The following SIPA1L3 variants were observed in gnomAD, a reference collection of about 807,000 sequenced individuals.
SIPA1L3 encodes the protein signal-induced proliferation-associated 1-like protein 3.
SIPA1L3 carries 59 observed loss-of-function variants against 150.1 expected under a neutral mutation model. The ratio of observed to expected loss-of-function variants is 0.39; its 90% CI spans 0.32 to 0.49. The LOEUF is 0.49. Among genes scored for constraint, SIPA1L3 ranks in the 20% least tolerant of loss-of-function variants. The pLI, the probability that SIPA1L3 is intolerant of heterozygous loss-of-function variation, is 0.86. For missense variants in SIPA1L3, 2,211 were observed against 2,489.5 expected (o/e 0.89, Z 2.38); for synonymous variants, 1,070 against 1,077.6 (o/e 0.99, Z 0.14).
At chr19:37,926,261 G>T (rs2046502663) in intron 1 of SIPA1L3, among the ~76,000 whole-genome samples, 1 of 152,182 alleles carries the variant, frequency 6.6e-6, no homozygotes, top group Non-Finnish European at 1.5e-5. Context: ...AACAGTGCCT[G>T]TAACACCAGG....
At position 37,929,570 on chromosome 19, in the gene SIPA1L3, G is replaced by C. The variant is rs377137245; in HGVS notation, c.-379+22212G>C. On this transcript the variant is annotated intron_variant, in intron 1 of 21. Coordinates refer to ENST00000222345, the MANE Select transcript of SIPA1L3 (RefSeq NM_015073.3). Reference sequence around the variant, plus strand: ...GAAACTTGAGTTGGGTGATGAGGCAGCAGTCTGAAGGTTAGAGTGCGAGGT... The same window carrying C: ...GAAACTTGAGTTGGGTGATGAGGCACCAGTCTGAAGGTTAGAGTGCGAGGT... Among the ~76,000 whole-genome samples, 178 of 152,282 alleles carry C rather than the reference G, an allele frequency of 1.2e-3. 1 individual carries two copies. In the South Asian group the frequency reaches 0.018, roughly 15 times the overall value.
chr19:38,138,910 A>AAAAAAAAAAAACAAAAAC lies in SIPA1L3; in HGVS notation c.3144-2269_3144-2268insAAAAAACAAAAACAAAAA, dbSNP rs1343348254. ...GAGACTCTATCTCAAAAAAAAAAAA[A>AAAAAAAAAAAACAAAAAC]AAAAACTGAGTGTGGTGGCTCACGC... On this transcript the variant is annotated intron_variant, in intron 10 of 21. Transcript: ENST00000222345. Among the ~76,000 whole-genome samples the AAAAAAAAAAAACAAAAAC allele has an allele frequency of 1.7e-3, 196 of 112,820 alleles. 20 individuals carry two copies. The highest frequency in any genetic ancestry group is 6.0e-3 in the African/African-American group (158 of 26,220). 74.0% of individuals were successfully genotyped at this position (112,820 alleles called of 152,430 possible).
chr19:37,949,396 T>A (rs998585236), intron 1 of SIPA1L3, among the ~76,000 whole-genome samples: 10 of 152,300 alleles, frequency 6.6e-5, no homozygotes, highest in Admixed American at 2.6e-4. Flanking sequence ...CCAGGCACAG[T>A]GACTCACACC....
At chr19:38,092,270 G>A (rs1294617651) in intron 4 of SIPA1L3, among the ~76,000 whole-genome samples, 2 of 151,776 alleles carry the variant, frequency 1.3e-5, no homozygotes, top group Admixed American at 6.6e-5. Context: ...TAATGTAAAT[G>A]ACAAGTTAAT....
At chr19:37,958,955 A>G (rs2046834224) in intron 1 of SIPA1L3, among the ~76,000 whole-genome samples, 1 of 152,258 alleles carries the variant, frequency 6.6e-6, no homozygotes, top group South Asian at 2.1e-4. Flanking sequence ...TCATTAGGGT[A>G]ATGCTAATCA....
intron 14 of SIPA1L3, among the ~76,000 whole-genome samples, chr19:38,163,079 C>T (rs1345502427): frequency 6.6e-6 from 1 of 152,134 alleles, no homozygotes; most frequent in African/African-American, 2.4e-5. Context: ...CAAGCGCTTA[C>T]AACACTCCAG....
At chr19:38,075,813 C>T (rs1969825440) in intron 2 of SIPA1L3, among the ~76,000 whole-genome samples, 1 of 150,864 alleles carries the variant, frequency 6.6e-6, no homozygotes, top group African/African-American at 2.4e-5. Flanking sequence ...AAAGATCTTG[C>T]AGGTGAACCA....
At chr19:38,039,719 T>C (rs1055838317) in intron 2 of SIPA1L3, among the ~76,000 whole-genome samples, 6 of 78,358 alleles carry the variant, frequency 7.7e-5, no homozygotes, top group African/African-American at 2.5e-4. Context: ...AAAAAAAAGT[T>C]TGGAGGCCCA....
At chr19:38,072,083 A>C (rs1243884728) in intron 2 of SIPA1L3, among the ~76,000 whole-genome samples, 3 of 152,244 alleles carry the variant, frequency 2.0e-5, no homozygotes, top group East Asian at 3.8e-4. Context: ...CTGTGATTGC[A>C]AGGAAGGCTG....
chr19:37,931,704 C>G (rs912227408), intron 1 of SIPA1L3, among the ~76,000 whole-genome samples: 1 of 152,124 alleles, frequency 6.6e-6, no homozygotes, highest in Non-Finnish European at 1.5e-5. Context: ...GAGCTGAGAT[C>G]GCATCACTGC....
intron 13 of SIPA1L3, among the ~76,000 whole-genome samples, chr19:38,154,673 C>G (rs1971902950): frequency 6.6e-6 from 1 of 151,992 alleles, no homozygotes; most frequent in Admixed American, 6.6e-5. Flanking sequence ...GTCTCGAACT[C>G]CTGACCTTGT....
intron 15 of SIPA1L3, among the ~76,000 whole-genome samples, chr19:38,174,328 G>T (rs554931213): frequency 6.6e-5 from 10 of 152,288 alleles, no homozygotes; most frequent in African/African-American, 2.2e-4. Context: ...GGGATGAATT[G>T]GTTCTCCAGC....
intron 12 of SIPA1L3, among the ~76,000 whole-genome samples, chr19:38,144,950 G>A (rs1352570204): frequency 6.6e-6 from 1 of 152,090 alleles, no homozygotes; most frequent in East Asian, 1.9e-4. Context: ...CAGAGTAAAG[G>A]CCACAGATAT....
chr19:37,964,158 C>G (rs1457281810), intron 1 of SIPA1L3: 1 of 152,116 alleles, frequency 6.6e-6, no homozygotes, highest in Admixed American at 6.5e-5. Context: ...TAGTTCATAC[C>G]TGTAATCTCA....
Position 38,164,575 on chromosome 19 carries a change from C to T in SIPA1L3, c.3877C>T (p.Pro1293Ser). The T allele has an allele frequency of 6.2e-7, 1 of 1,614,126 alleles. No individual in the cohort carries two copies. Among genetic ancestry groups the T allele is most frequent in the East Asian group, 2.2e-5 (1 of 44,882 alleles). The change falls in exon 15 of 22, where the codon CCC (proline) becomes TCC (serine). Residue 1293 changes from proline to serine, a missense_variant. Around this residue, in one of 5 missense-constraint regions of SIPA1L3, gnomAD observed 806 missense variants for 870.1 expected, o/e 0.93. Transcript: ENST00000222345. This position sits in a 1 kb window ranked among gnomAD's most constrained non-coding sequence, Gnocchi z 4.1. ...CGACCGCTGGTTCGACCCCCTGGACCCCCTGGAGCCAGAGCAAGACCCCCT... is the reference window on the plus strand; with the variant it reads ...CGACCGCTGGTTCGACCCCCTGGACTCCCTGGAGCCAGAGCAAGACCCCCT... ...SDDRWFDPLD[P>S]LEPEQDPLSK...
intron 1 of SIPA1L3, among the ~76,000 whole-genome samples, chr19:37,934,015 A>G (rs1435623000): frequency 6.6e-6 from 1 of 152,188 alleles, no homozygotes; most frequent in Non-Finnish European, 1.5e-5. Context: ...CAGTTGAGCC[A>G]TCTCCCCTGC....
At chr19:37,912,486 A>G (rs1379047260) in intron 1 of SIPA1L3, among the ~76,000 whole-genome samples, 1 of 152,134 alleles carries the variant, frequency 6.6e-6, no homozygotes, top group Non-Finnish European at 1.5e-5. Context: ...TCAAGCCTTC[A>G]GGGCAGGGCC....
intron 1 of SIPA1L3, among the ~76,000 whole-genome samples, chr19:37,996,423 A>T (rs955772001): frequency 6.6e-6 from 1 of 152,112 alleles, no homozygotes; most frequent in Non-Finnish European, 1.5e-5. Flanking sequence ...ACATATATTT[A>T]TGGTATACAA....
chr19:38,084,147 A>G lies in SIPA1L3; in HGVS notation c.1534+1048A>G, dbSNP rs573224239. Among the ~76,000 whole-genome samples the G allele has an allele frequency of 1.5e-4, 23 of 152,082 alleles. No homozygotes were observed. In the East Asian group the frequency reaches 4.4e-3, roughly 29 times the overall value. On this transcript the variant is annotated intron_variant, in intron 3 of 21. Transcript: ENST00000222345. ...GCATCAGTATGGTCAGCCTTAGTGC[A>G]TGGCATGATCCCCCACTGCTCCACA...
Sources: gnomAD v4.1 joint callset for allele counts (sites outside exome capture counted in the v4.1 genomes callset) on GRCh38, gnomAD v4.1.1 for gene constraint, gnomAD v4.1.1 regional missense constraint, Gnocchi (gnomAD v3.1) non-coding constraint, MANE v1.5 for transcripts, NCBI Gene and HGNC (gene_info 2026-07-23, HGNC 2026-07-21) for gene names.